The following RTF1 variants were observed in gnomAD, a reference collection of about 807,000 sequenced individuals.
RTF1 encodes RTF1 homolog, Paf1/RNA polymerase II complex component, also known as RNA polymerase-associated protein RTF1 homolog.
RTF1 carries 10 observed loss-of-function variants against 95.7 expected under a neutral mutation model. The ratio of observed to expected loss-of-function variants is 0.10; its 90% CI spans 0.06 to 0.18. The LOEUF (loss-of-function observed/expected upper bound fraction) is 0.18, where lower values mean the gene tolerates loss of function less well. Ranked by LOEUF, RTF1 falls within the 10% of genes least tolerant of loss-of-function variation. RTF1 has a pLI of 1.00. For synonymous variants in RTF1, 305 were observed against 311.8 expected, an observed-to-expected ratio of 0.98 and a Z score of 0.23; for missense variants, 458 against 875.6, an observed-to-expected ratio of 0.52 and a Z score of 6.02.
chr15:41,478,692 G>GA (rs2050954805), intron 15 of RTF1, 67 bp downstream of exon 15: 1 of 1,277,020 alleles, frequency 7.8e-7, no homozygotes, highest in Admixed American at 1.7e-5. Context: ...ATTCCATTAG[G>GA]AAATTAATAA....
chr15:41,457,601 A>G, intron 3 of RTF1, 71 bp from the exon 4 acceptor site: 1 of 1,316,016 alleles, frequency 7.6e-7, no homozygotes, highest in Non-Finnish European at 1.1e-6. Context: ...TGATGTTGTC[A>G]ACATTGTGGA....
Position 41,466,635 on chromosome 15 carries a change from G to T in RTF1, c.889+383G>T, listed in dbSNP as rs181859747. Reference sequence around the variant, plus strand: ...GTGTTCAAATTTTTCTATTTGTTTTGTAATTTAAAAAACAAGATTTTAAAA... The same window carrying T: ...GTGTTCAAATTTTTCTATTTGTTTTTTAATTTAAAAAACAAGATTTTAAAA... On this transcript the variant is annotated intron_variant, in intron 6 of 17. Coordinates refer to ENST00000389629, the MANE Select transcript of RTF1 (RefSeq NM_015138.5). 9.5e-4 allele frequency among the ~76,000 whole-genome samples: 145 copies of T among 152,004 alleles called. 4 individuals carry two copies. In the East Asian group the frequency reaches 0.022, roughly 23 times the overall value.
chr15:41,436,823 T>G (rs1305924167), intron 1 of RTF1, among the ~76,000 whole-genome samples: 1 of 150,832 alleles, frequency 6.6e-6, no homozygotes, highest in East Asian at 2.0e-4. Context: ...GCATGGTGGC[T>G]CACGCCTGTA....
intron 8 of RTF1, among the ~76,000 whole-genome samples, chr15:41,472,683 G>A (rs1259509412): frequency 6.7e-6 from 1 of 149,146 alleles, no homozygotes; most frequent in East Asian, 2.0e-4. Flanking sequence ...ACGCCTGGCT[G>A]ATTTTTTTTT....
At position 41,483,493 on chromosome 15, in the gene RTF1, G is replaced by A. The variant is rs1419959779; in HGVS notation, c.*2806G>A. 6.6e-6 allele frequency: 1 copy of A among 152,320 alleles called. No individual in the cohort carries two copies. Among genetic ancestry groups the A allele is most frequent in the Non-Finnish European group, 1.5e-5 (1 of 67,954 alleles). The allele number at this position is 152,320 out of a possible 1,614,324, so 9.4% of individuals were successfully genotyped here. Reference sequence around the variant, plus strand: ...CTTCAAAAAGAATGTTTTTGCTTTTGTGAAGTCCTGACTTGCCACTCAAAC... The same window carrying A: ...CTTCAAAAAGAATGTTTTTGCTTTTATGAAGTCCTGACTTGCCACTCAAAC... On this transcript the variant is annotated 3_prime_UTR_variant, in exon 18 of 18. Transcript: ENST00000389629.
At chr15:41,428,960 C>A (rs903456483) in intron 1 of RTF1, among the ~76,000 whole-genome samples, 10 of 152,104 alleles carry the variant, frequency 6.6e-5, no homozygotes, top group Non-Finnish European at 1.5e-4. Context: ...TGGTCTCAAA[C>A]TCCTGACCTC....
intron 4 of RTF1, among the ~76,000 whole-genome samples, chr15:41,462,918 C>T: frequency 6.6e-6 from 1 of 151,996 alleles, no homozygotes; most frequent in Non-Finnish European, 1.5e-5. Flanking sequence ...ACCACCTGGC[C>T]AATTTTTTAA....
chr15:41,436,804 A>T (rs944815705), intron 1 of RTF1, among the ~76,000 whole-genome samples: 4 of 151,600 alleles, frequency 2.6e-5, no homozygotes, highest in African/African-American at 9.7e-5. Context: ...AAAAACAATA[A>T]GAGACCAGGC....
rs2050939072 is a variant in RTF1 at position 41,475,744 on chromosome 15, A to G, written c.1407A>G (p.Leu469=). ...CTGCTGGCATGCAGTTGCCCACTCT[A>G]GATGAAATCAATAAAAAGGAATTAT... ...MFSAGMQLPT[L]DEINKKELSI... is the part of the protein sequence containing the mutation. The change falls in exon 11 of 18, where the codon CTA becomes CTG. Residue 469 remains leucine (L), a synonymous_variant. Coordinates refer to ENST00000389629, the MANE Select transcript of RTF1 (RefSeq NM_015138.5). The G allele has an allele frequency of 6.2e-7, 1 of 1,610,006 alleles. No individual in the cohort carries two copies. The highest frequency in any genetic ancestry group is 8.5e-7 in the Non-Finnish European group (1 of 1,176,590).
chr15:41,468,270 C>T (rs1202570912), intron 6 of RTF1, among the ~76,000 whole-genome samples: 1 of 151,926 alleles, frequency 6.6e-6, no homozygotes, highest in Non-Finnish European at 1.5e-5. Flanking sequence ...GGTGATATTT[C>T]GAATCTGTCA....
At chr15:41,418,788 A>C (rs1674735451) in intron 1 of RTF1, among the ~76,000 whole-genome samples, 1 of 151,042 alleles carries the variant, frequency 6.6e-6, no homozygotes, top group South Asian at 2.1e-4. Flanking sequence ...CCATCACAAA[A>C]AAAAAAAAAA....
intron 2 of RTF1, among the ~76,000 whole-genome samples, chr15:41,444,052 A>G (rs938921887): frequency 1.3e-5 from 2 of 151,256 alleles, no homozygotes; most frequent in African/African-American, 2.4e-5. Context: ...TGGGCGACAG[A>G]GCGAGACTCC....
At position 41,478,635 on chromosome 15, in the gene RTF1, G is replaced by C. The variant is rs373458495; in HGVS notation, c.1818+10G>C. On this transcript the variant is annotated intron_variant, in intron 15 of 17. Transcript: ENST00000389629. The stretch of plus-strand genomic sequence containing the variant: ...TACCATCGTTTCTAATGTGAGTGCT[G>C]AAAGAGGACATTTTAGTCAGGACCT... The C allele has an allele frequency of 3.1e-6, 5 of 1,607,358 alleles. No homozygotes were observed. Among genetic ancestry groups the C allele is most frequent in the Admixed American group, 1.7e-5 (1 of 59,966 alleles).
chr15:41,470,752 G>A lies in RTF1; in HGVS notation c.1025+360G>A, dbSNP rs572312882. ...CGGCTCACTGCAAGCTCCGCCTCCC[G>A]GGTTCACGCCATTCTCTTGCCTCAG... On this transcript the variant is annotated intron_variant, in intron 7 of 17. Coordinates refer to ENST00000389629, the MANE Select transcript of RTF1 (RefSeq NM_015138.5). Among the ~76,000 whole-genome samples, 10 of 142,738 alleles carry A rather than the reference G, an allele frequency of 7.0e-5. No homozygotes were observed. The South Asian group carries it at 7.2e-4, about 10-fold the overall frequency. The allele number at this position is 142,738 out of a possible 152,430, so 93.6% of individuals were successfully genotyped here.
intron 4 of RTF1, among the ~76,000 whole-genome samples, chr15:41,462,537 A>C (rs2050855690): frequency 6.6e-6 from 1 of 152,190 alleles, no homozygotes; most frequent in Non-Finnish European, 1.5e-5. Context: ...ATGTAAATGT[A>C]AACTATCACT....
At chr15:41,421,222 C>T (rs1016963819) in intron 1 of RTF1, among the ~76,000 whole-genome samples, 1 of 151,994 alleles carries the variant, frequency 6.6e-6, no homozygotes, top group African/African-American at 2.4e-5. Flanking sequence ...TTTGGGAGGC[C>T]GAGGTGGGCG....
chr15:41,421,496 G>A (rs1417881702), intron 1 of RTF1, among the ~76,000 whole-genome samples: 2 of 151,662 alleles, frequency 1.3e-5, no homozygotes, highest in African/African-American at 2.4e-5. Context: ...AGCTGGGCAT[G>A]GTGGCGTGCC....
intron 3 of RTF1, 57 bp from the exon 4 acceptor site, chr15:41,457,615 G>C: frequency 6.8e-7 from 1 of 1,472,346 alleles, no homozygotes; most frequent in Non-Finnish European, 9.5e-7. Flanking sequence ...TTGTGGAGCC[G>C]CTTGTGGCCT....
intron 14 of RTF1, chr15:41,477,716 T>C (rs1304414329): frequency 1.2e-5 from 7 of 583,116 alleles, no homozygotes; most frequent in Non-Finnish European, 1.8e-5. Context: ...GTCCTACCTC[T>C]TCCCACCCTT....
Sources: allele counts gnomAD v4.1 joint callset (sites outside exome capture counted in the v4.1 genomes callset), GRCh38; gene constraint gnomAD v4.1.1; transcripts MANE v1.5; gene names NCBI Gene and HGNC (gene_info 2026-07-23, HGNC 2026-07-21).